CA2: variants seen among roughly 807,000 people sequenced by gnomAD.
CA2 encodes the protein carbonate dehydratase II.
In CA2, 23 loss-of-function variants were observed where a neutral mutation model predicts 27.8. The ratio of observed to expected loss-of-function variants is 0.83; its 90% confidence interval spans 0.59 to 1.17. CA2 has a LOEUF of 1.17. Among genes scored for constraint, CA2 ranks in the 50% most tolerant of loss-of-function variants. The pLI is 0.00. For synonymous variants in CA2, 99 were observed against 114.9 expected (o/e 0.86, Z 0.88); for missense variants, 300 against 314.7 (o/e 0.95, Z 0.35).
chr8:85,464,142 G>A (rs1311611579), intron 1 of CA2, 27 bp downstream of exon 1: 2 of 1,531,112 alleles, frequency 1.3e-6, no homozygotes, highest in South Asian at 1.2e-5. Context: ...GCCAGCGCGG[G>A]GGCGCCCCGA....
In CA2 at chr8:85,464,634, T is replaced by C. The variant is rs540985088; in HGVS notation, c.34+519T>C. 205 of 148,922 alleles carry C rather than the reference T, an allele frequency of 1.4e-3. 2 individuals are homozygous for C. Among genetic ancestry groups the C allele is most frequent in the South Asian group, 0.011 (51 of 4,460 alleles). 9.2% of individuals were successfully genotyped at this position (148,922 alleles called of 1,614,324 possible). ...GTCCCGGGGCATTTTCCAGTGCTGG[T>C]TTGAATCCATGGCTCTGATTTCCGA... On this transcript the variant is annotated intron_variant, in intron 1 of 6. Coordinates refer to ENST00000285379, the MANE Select transcript of CA2 (RefSeq NM_000067.3).
chr8:85,468,967 C>T (rs1415652437), intron 2 of CA2, among the ~76,000 whole-genome samples: 2 of 151,968 alleles, frequency 1.3e-5, no homozygotes, highest in Non-Finnish European at 2.9e-5. Flanking sequence ...CTTGCTAAGT[C>T]GTCTCCTTGC....
chr8:85,473,653 ATACATATATGT>A (rs1374036180), intron 2 of CA2, 29 bp from the exon 3 acceptor site: 3 of 971,480 alleles, frequency 3.1e-6, no homozygotes, highest in Admixed American at 1.7e-5. Context: ...ATGCAGATAC[ATACATATATGT>A]TACATATATA....
At chr8:85,466,920 G>A (rs560821122) in intron 2 of CA2, among the ~76,000 whole-genome samples, 1 of 152,102 alleles carries the variant, frequency 6.6e-6, no homozygotes, top group Non-Finnish European at 1.5e-5. Context: ...AGGTCTCAAG[G>A]TATTACACAT....
chr8:85,477,203 G>A lies in CA2; in HGVS notation c.591G>A (p.Leu197=). 1 of 1,614,084 alleles carries A rather than the reference G, an allele frequency of 6.2e-7. No homozygotes were observed. The highest frequency in any genetic ancestry group is 8.5e-7 in the Non-Finnish European group (1 of 1,179,998). The change falls in exon 6 of 7, where the codon CTG becomes CTA. Residue 197 remains leucine (L), a synonymous_variant. Transcript: ENST00000285379. ...SLDYWTYPGS[L]TTPPLLECVT... ...ATTACTGGACCTACCCAGGCTCACT[G>A]ACCACCCCTCCTCTTCTGGAATGTG... is the stretch of plus-strand genomic sequence containing the variant.
chr8:85,474,973 C>A (rs1811769306), intron 4 of CA2, among the ~76,000 whole-genome samples: 1 of 151,958 alleles, frequency 6.6e-6, no homozygotes, highest in African/African-American at 2.4e-5. Flanking sequence ...TGAGAAACTG[C>A]AAAATGTAAG....
At chr8:85,468,657 G>A (rs192941290) in intron 2 of CA2, among the ~76,000 whole-genome samples, 18 of 152,232 alleles carry the variant, frequency 1.2e-4, no homozygotes, top group African/African-American at 4.1e-4. Flanking sequence ...CTACTCAGGA[G>A]ACTGAGGCAG....
chr8:85,465,262 T>C lies in CA2; in HGVS notation c.35-10T>C, dbSNP rs1317216418. 5 of 1,611,046 alleles carry C rather than the reference T, an allele frequency of 3.1e-6. No homozygotes were observed. The highest frequency in any genetic ancestry group is 1.7e-5 in the Admixed American group (1 of 60,022). On this transcript the variant is annotated splice_polypyrimidine_tract_variant and intron_variant, in intron 1 of 6. Transcript: ENST00000285379. ...CACAATGGGGGATTCACATGTCTTC[T>C]TTCCCCCAGGACCTGAGCACTGGCA... is the stretch of plus-strand genomic sequence containing the variant.
chr8:85,464,159 AT>A, intron 1 of CA2, 44 bp downstream of exon 1: 1 of 1,467,246 alleles, frequency 6.8e-7, no homozygotes, highest in Non-Finnish European at 9.2e-7. Context: ...CCGATCCCCG[AT>A]CCCCGATCCC....
chr8:85,478,054 A>G (rs568314085), intron 6 of CA2, among the ~76,000 whole-genome samples: 1 of 152,340 alleles, frequency 6.6e-6, no homozygotes, highest in South Asian at 2.1e-4. Context: ...ATGCTGAATA[A>G]TAGAGGTTTA....
Position 85,465,364 on chromosome 8 carries a change from T to C in CA2, c.127T>C (p.Ser43Pro). 6.2e-7 allele frequency: 1 copy of C among 1,614,090 alleles called. No individual in the cohort carries two copies. Among genetic ancestry groups the C allele is most frequent in the Non-Finnish European group, 8.5e-7 (1 of 1,179,938 alleles). ...CACTCATACAGCCAAGTATGACCCTTCCCTGAAGCCCCTGTCTGTTTCCTA... is the reference window on the plus strand; with the variant it reads ...CACTCATACAGCCAAGTATGACCCTCCCCTGAAGCCCCTGTCTGTTTCCTA... ...IDTHTAKYDP[S>P]LKPLSVSYDQ... Residue 43 changes from serine (S) to proline (P), a missense_variant, in exon 2 of 7, where the codon TCC becomes CCC. Transcript: ENST00000285379.
At chr8:85,467,210 A>G (rs1472216332) in intron 2 of CA2, among the ~76,000 whole-genome samples, 1 of 152,248 alleles carries the variant, frequency 6.6e-6, no homozygotes, top group Non-Finnish European at 1.5e-5. Context: ...TTATTCTAGT[A>G]ATATGTATTA....
Position 85,474,372 on chromosome 8 carries a change from G to C in CA2, c.400G>C (p.Val134Leu). 5.0e-6 allele frequency: 8 copies of C among 1,614,148 alleles called. No homozygotes were observed. Among genetic ancestry groups the C allele is most frequent in the Non-Finnish European group, 6.8e-6 (8 of 1,180,008 alleles). ...NTKYGDFGKAVQQPDGLAVLG... is the reference protein window; with the variant it reads ...NTKYGDFGKALQQPDGLAVLG... ...CAAATATGGGGATTTTGGGAAAGCT[G>C]TGCAGCAACCTGATGGACTGGCCGT... Residue 134 changes from valine to leucine, a missense_variant, in exon 4 of 7, where the codon GTG (valine) becomes CTG (leucine). Transcript: ENST00000285379.
rs553482175 is a variant in CA2, at chr8:85,464,146, GCCCCGATCCCCGATCCCCGAT to G, written c.34+45_34+65del. 4.4e-4 allele frequency: 665 copies of G among 1,512,450 alleles called. 3 individuals are homozygous for G. The highest frequency in any genetic ancestry group is 5.0e-4 in the Non-Finnish European group (563 of 1,124,128). 93.7% of individuals were successfully genotyped at this position (1,512,450 alleles called of 1,614,324 possible). On this transcript the variant is annotated intron_variant, in intron 1 of 6. Transcript: ENST00000285379. ...TGCCGGCGACGGCCAGCGCGGGGGC[GCCCCGATCCCCGATCCCCGAT>G]CCCCGATCCCCGAGCCCGGATGCCG...
chr8:85,468,922 A>G (rs1312041854), intron 2 of CA2, among the ~76,000 whole-genome samples: 3 of 152,124 alleles, frequency 2.0e-5, no homozygotes, highest in African/African-American at 7.2e-5. Context: ...CACCTTAATA[A>G]ACATGAAGAA....
chr8:85,477,431 G>A (rs546138738), intron 6 of CA2, among the ~76,000 whole-genome samples, 156 bp downstream of exon 6: 16 of 152,246 alleles, frequency 1.1e-4, no homozygotes, highest in African/African-American at 3.9e-4. Flanking sequence ...CAAATAAACA[G>A]CGTTCAGTAA....
intron 5 of CA2, 101 bp downstream of exon 5, chr8:85,475,961 GTGGTGTT>G: frequency 1.1e-6 from 1 of 899,192 alleles, no homozygotes; most frequent in South Asian, 1.4e-5. Context: ...TCAATGACAT[GTGGTGTT>G]TGGATGAGCA....
chr8:85,475,719 T>C lies in CA2; in HGVS notation c.445-79T>C, dbSNP rs560034712. On this transcript the variant is annotated intron_variant, in intron 4 of 6. Transcript: ENST00000285379. ...GGCTCACTATTTGGATGTTTTCTAA[T>C]AGAGCTACCCAAATAAAAATAAAAA... 1.1e-5 allele frequency: 14 copies of C among 1,300,556 alleles called. No individual in the cohort carries two copies. In the South Asian group the frequency reaches 1.6e-4, roughly 15 times the overall value. The allele number at this position is 1,300,556 out of a possible 1,614,324, so 80.6% of individuals were successfully genotyped here. A position where few individuals can be genotyped will look rare whatever the true frequency, so the allele number is the denominator to read the frequency against.
intron 2 of CA2, among the ~76,000 whole-genome samples, chr8:85,471,737 T>A (rs1811715562): frequency 6.6e-6 from 1 of 151,962 alleles, no homozygotes; most frequent in Non-Finnish European, 1.5e-5. Flanking sequence ...TATAAAGGAT[T>A]TTTTTCAGTA....
Sources: gnomAD v4.1 joint callset for allele counts (sites outside exome capture counted in the v4.1 genomes callset) on GRCh38, gnomAD v4.1.1 for gene constraint, MANE v1.5 for transcripts, NCBI Gene and HGNC (gene_info 2026-07-23, HGNC 2026-07-21) for gene names.